Variants in FRMPD4 observed in about 807,000 individuals in gnomAD.
The protein encoded by FRMPD4 is FERM and PDZ domain containing 4.
In FRMPD4, 22 loss-of-function variants were observed where a neutral mutation model predicts 94.1. The observed-to-expected ratio is 0.23, with a 90% CI of 0.17 to 0.33. The LOEUF is 0.33. FRMPD4 is among the 10% of genes least tolerant of loss of function. The pLI, the probability that FRMPD4 is intolerant of heterozygous loss-of-function variation, is 1.00. For missense variants in FRMPD4, 1,111 were observed against 1,339.9 expected, an observed-to-expected ratio of 0.83 and a Z score of 2.67; for synonymous variants, 631 against 548.6, an observed-to-expected ratio of 1.15 and a Z score of -2.10.
At chrX:12,676,980 C>T (rs1351634688) in intron 5 of FRMPD4, among the ~76,000 whole-genome samples, 1 of 111,924 alleles carries the variant, frequency 8.9e-6, no homozygotes, top group African/African-American at 3.3e-5. Context: ...ACTCCAGTCC[C>T]ACCACCTCCT....
chrX:12,427,227 T>C (rs1328036611), intron 1 of FRMPD4, among the ~76,000 whole-genome samples: 3 of 112,038 alleles, frequency 2.7e-5, no homozygotes, highest in Non-Finnish European at 5.6e-5. Flanking sequence ...TATTTAAGAA[T>C]GTTCTGTCTC....
At chrX:12,693,877 C>T (rs1320502034) in intron 8 of FRMPD4, among the ~76,000 whole-genome samples, 2 of 111,651 alleles carry the variant, frequency 1.8e-5, no homozygotes, top group African/African-American at 6.5e-5. Context: ...CGTGTCCAAA[C>T]CTGGAAACTC....
intron 1 of FRMPD4, among the ~76,000 whole-genome samples, chrX:12,397,756 A>G (rs947371966): frequency 7.2e-5 from 8 of 111,069 alleles, no homozygotes; most frequent in African/African-American, 2.6e-4. Flanking sequence ...TGTGGACTGG[A>G]TAATGTGAAT....
At chrX:12,553,826 A>G (rs2058566556) in intron 2 of FRMPD4, among the ~76,000 whole-genome samples, 1 of 111,857 alleles carries the variant, frequency 8.9e-6, no homozygotes, top group African/African-American at 3.2e-5. Context: ...TTTATACACA[A>G]TGTGAATTAT....
chrX:12,269,690 G>A (rs1046574813), intron 1 of FRMPD4, among the ~76,000 whole-genome samples: 1 of 111,827 alleles, frequency 8.9e-6, no homozygotes, highest in African/African-American at 3.3e-5. Context: ...TCTAGTGGGT[G>A]GAGATGAGGG....
At chrX:11,988,383 A>G (rs1053324042) in intron 3 of FRMPD4, among the ~76,000 whole-genome samples, 16 of 112,313 alleles carry the variant, frequency 1.4e-4, no homozygotes, top group African/African-American at 5.2e-4. Flanking sequence ...TTGGATATCC[A>G]TATGCAGAAG....
At chrX:12,705,768 G>T (rs2041864813) in intron 11 of FRMPD4, among the ~76,000 whole-genome samples, 1 of 111,478 alleles carries the variant, frequency 9.0e-6, no homozygotes, top group Admixed American at 9.6e-5. Flanking sequence ...TTGGATAACT[G>T]CTATAAGATC....
chrX:11,837,028 A>T (rs904532795), intron 1 of FRMPD4, among the ~76,000 whole-genome samples: 1 of 111,547 alleles, frequency 9.0e-6, no homozygotes, highest in African/African-American at 3.3e-5. Context: ...CTGTTTTCTT[A>T]TTGTCCTACT....
chrX:12,198,221 C>T (rs962416237), intron 1 of FRMPD4, among the ~76,000 whole-genome samples: 9 of 111,740 alleles, frequency 8.1e-5, no homozygotes, highest in Non-Finnish European at 1.3e-4. Context: ...CAGTAAAGTT[C>T]GGGTTTCCAT....
In FRMPD4 at chrX:12,440,944, G is replaced by T. The variant is rs1490209624; in HGVS notation, c.42-57736G>T. Among the ~76,000 whole-genome samples, 5 of 112,194 alleles carry T rather than the reference G, an allele frequency of 4.5e-5. No individual in the cohort carries two copies. The Admixed American group carries it at 4.7e-4, about 11-fold the overall frequency. On this transcript the variant is annotated intron_variant, in intron 1 of 16. Transcript: ENST00000675598. ...ATTCTTCTGATAGTTCTAGCTATTA[G>T]AATTGCCAAATGGTAAATGTCATAA...
At chrX:11,902,370 C>A (rs1316198199) in intron 3 of FRMPD4, among the ~76,000 whole-genome samples, 1 of 111,019 alleles carries the variant, frequency 9.0e-6, no homozygotes, top group East Asian at 2.8e-4. Flanking sequence ...GGGCTCTCTT[C>A]CTGAAGCACA....
intron 2 of FRMPD4, among the ~76,000 whole-genome samples, chrX:12,606,140 T>C (rs7065082): frequency 0.23 from 25,220 of 111,754 alleles, 4,189 homozygotes; most frequent in African/African-American, 0.59. Flanking sequence ...AATAAAAGAA[T>C]AACATAATAG....
At chrX:12,349,327 A>T (rs1282287266) in intron 1 of FRMPD4, among the ~76,000 whole-genome samples, 2 of 110,701 alleles carry the variant, frequency 1.8e-5, no homozygotes, top group African/African-American at 6.6e-5. Flanking sequence ...TGCACTGAAG[A>T]TGGTGAGGAG....
At chrX:12,547,585 TATC>T (rs1414077759) in intron 2 of FRMPD4, among the ~76,000 whole-genome samples, 2 of 112,442 alleles carry the variant, frequency 1.8e-5, no homozygotes, top group Non-Finnish European at 3.8e-5. Context: ...ACACCAGAAA[TATC>T]ATGACAAAAT....
At chrX:12,354,232 A>G (rs995511655) in intron 1 of FRMPD4, among the ~76,000 whole-genome samples, 8 of 112,094 alleles carry the variant, frequency 7.1e-5, no homozygotes, top group Non-Finnish European at 1.3e-4. Flanking sequence ...ATGTTATCTC[A>G]TTCATGACAT....
At chrX:12,476,996 A>G (rs1480077070) in intron 1 of FRMPD4, among the ~76,000 whole-genome samples, 4 of 112,192 alleles carry the variant, frequency 3.6e-5, no homozygotes, top group Non-Finnish European at 7.5e-5. Flanking sequence ...CTATAAAGAC[A>G]CATGCACACG....
At chrX:12,505,799 T>C (rs891368869) in intron 2 of FRMPD4, among the ~76,000 whole-genome samples, 18 of 107,098 alleles carry the variant, frequency 1.7e-4, no homozygotes, top group African/African-American at 5.8e-4. Flanking sequence ...AGTGCCATAC[T>C]GTGGTCCACC....
At chrX:12,587,647 T>G (rs1319825280) in intron 2 of FRMPD4, among the ~76,000 whole-genome samples, 1 of 13,215 alleles carries the variant, frequency 7.6e-5, no homozygotes, top group African/African-American at 6.4e-4. Context: ...CCATTATGAG[T>G]GTGTGTGTGT....
At chrX:12,197,164 A>G (rs992634042) in intron 1 of FRMPD4, among the ~76,000 whole-genome samples, 6 of 111,149 alleles carry the variant, frequency 5.4e-5, no homozygotes, top group Admixed American at 1.9e-4. Flanking sequence ...ACACATCTCT[A>G]TAACTTTGCC....
Sources: allele counts gnomAD v4.1 joint callset (sites outside exome capture counted in the v4.1 genomes callset), GRCh38; gene constraint gnomAD v4.1.1; transcripts MANE v1.5; gene names NCBI Gene and HGNC (gene_info 2026-07-23, HGNC 2026-07-21).